The following ATXN10 variants were observed in gnomAD, a reference collection of about 807,000 sequenced individuals.
ATXN10 encodes the protein ataxin 10, also known as ataxin-10.
ATXN10 carries 28 observed loss-of-function variants against 52.9 expected under a neutral mutation model. The observed-to-expected ratio is 0.53, with a 90% CI of 0.39 to 0.73. The LOEUF (loss-of-function observed/expected upper bound fraction) is 0.73. Ranked by LOEUF, ATXN10 falls within the 30% of genes least tolerant of loss-of-function variation. The probability of loss-of-function intolerance (pLI) is 0.00; values close to 1 mark genes in which losing one functional copy is unlikely to be tolerated. For missense variants in ATXN10, 565 were observed against 577.0 expected (o/e 0.98, Z 0.21); for synonymous variants, 226 against 221.5 (o/e 1.02, Z -0.18).
chr22:45,715,107 T>G lies in ATXN10; in HGVS notation c.648-3306T>G, dbSNP rs1924395923. Among the ~76,000 whole-genome samples, 1 of 152,216 alleles carries G rather than the reference T, an allele frequency of 6.6e-6. No individual in the cohort carries two copies. The highest frequency in any genetic ancestry group is 1.5e-5 in the Non-Finnish European group (1 of 68,024). Reference sequence around the variant, plus strand: ...TTACGATGTCTCAGTTCTACTATTTTAAGTCCTTGAGGATTTTATGAACAT... The same window carrying G: ...TTACGATGTCTCAGTTCTACTATTTGAAGTCCTTGAGGATTTTATGAACAT... On this transcript the variant is annotated intron_variant, in intron 5 of 11. Coordinates refer to ENST00000252934, the MANE Select transcript of ATXN10 (RefSeq NM_013236.4). This position sits in a 1 kb window ranked among gnomAD's most constrained non-coding sequence, Gnocchi z 4.4.
At chr22:45,829,117 A>G (rs761233911) in intron 10 of ATXN10, among the ~76,000 whole-genome samples, 15 of 152,252 alleles carry the variant, frequency 9.9e-5, no homozygotes, top group Non-Finnish European at 1.6e-4. Context: ...ATGAAGGGAA[A>G]GAAACACATG....
intron 5 of ATXN10, chr22:45,704,039 T>C (rs1325343294): frequency 6.6e-6 from 1 of 152,090 alleles, no homozygotes; most frequent in Non-Finnish European, 1.5e-5. Context: ...ACCAGGGCAC[T>C]ATGTGGAGCT....
In ATXN10 at chr22:45,718,502, C is replaced by T. The variant is rs748832007; in HGVS notation, c.728+9C>T. ...CTGAACAATCAAGAAAGGTAACCCC[C>T]CAACCAGCGTGGTCTGGAGTATTTA... On this transcript the variant is annotated intron_variant, in intron 6 of 11. Coordinates refer to ENST00000252934, the MANE Select transcript of ATXN10 (RefSeq NM_013236.4). The surrounding 1 kb of genome is among the most constrained non-coding windows in gnomAD (Gnocchi z 4.4). 5.0e-6 allele frequency: 8 copies of T among 1,611,174 alleles called. No individual in the cohort carries two copies. In the African/African-American group the frequency reaches 6.7e-5, roughly 13 times the overall value.
At position 45,740,362 on chromosome 22, in the gene ATXN10, G is replaced by T; in HGVS notation, c.1004-7G>T. The T allele has an allele frequency of 6.2e-7, 1 of 1,613,708 alleles. No individual in the cohort carries two copies. Among genetic ancestry groups the T allele is most frequent in the Non-Finnish European group, 8.5e-7 (1 of 1,179,792 alleles). ...GTGGAAAATGAAGTTTACTCTTTTG[G>T]TTATAGATCTTTTGCGGGTGATTCA... On this transcript the variant is annotated splice_region_variant and splice_polypyrimidine_tract_variant and intron_variant, in intron 8 of 11. Transcript: ENST00000252934.
Position 45,702,730 on chromosome 22 carries a change from C to T in ATXN10, c.530C>T (p.Ser177Phe). 1 of 1,613,998 alleles carries T rather than the reference C, an allele frequency of 6.2e-7. No homozygotes were observed. The change falls in exon 5 of 12, where the codon TCT becomes TTT. Residue 177 changes from serine (S) to phenylalanine (F), a missense_variant. Coordinates refer to ENST00000252934, the MANE Select transcript of ATXN10 (RefSeq NM_013236.4). ...CCGGACAAAAAAATTGTTGCCTACT[C>T]TTCAATGATTTTGTTTACATCCCTT... The part of the protein sequence containing the change: ...NHPDKKIVAY[S>F]SMILFTSLNH...
At chr22:45,682,163 A>G (rs978917622) in intron 1 of ATXN10, among the ~76,000 whole-genome samples, 11 of 151,952 alleles carry the variant, frequency 7.2e-5, no homozygotes, top group Admixed American at 7.2e-4. Context: ...CTCTCCCTCC[A>G]TTTCCCTGAG....
intron 6 of ATXN10, among the ~76,000 whole-genome samples, chr22:45,725,587 GTA>G (rs1924836874): frequency 6.6e-6 from 1 of 151,912 alleles, no homozygotes; most frequent in African/African-American, 2.4e-5. Flanking sequence ...GGTTTTCTAG[GTA>G]TATGATCGTA....
At chr22:45,717,164 C>A (rs1463969800) in intron 5 of ATXN10, among the ~76,000 whole-genome samples, 1 of 152,010 alleles carries the variant, frequency 6.6e-6, no homozygotes, top group Non-Finnish European at 1.5e-5. Context: ...TCTTCTTGCC[C>A]CCTGTCTGTC....
intron 9 of ATXN10, among the ~76,000 whole-genome samples, chr22:45,800,982 C>A (rs1226811213): frequency 6.6e-6 from 1 of 152,158 alleles, no homozygotes; most frequent in African/African-American, 2.4e-5. Context: ...TGTGGCTGTG[C>A]AGATGCACTT....
Position 45,721,217 on chromosome 22 carries a change from G to T in ATXN10, c.728+2724G>T, listed in dbSNP as rs183019401. 3.0e-4 allele frequency among the ~76,000 whole-genome samples: 46 copies of T among 152,198 alleles called. No individual in the cohort carries two copies. In the East Asian group the frequency reaches 8.5e-3, roughly 28 times the overall value. ...AATGAGAGCCTACATTTACATACTT[G>T]TCTGGTCTCCTTTCCAGGTGAATTG... On this transcript the variant is annotated intron_variant, in intron 6 of 11. Coordinates refer to ENST00000252934, the MANE Select transcript of ATXN10 (RefSeq NM_013236.4).
In ATXN10 at chr22:45,715,622, C is replaced by A. The variant is rs1264611159; in HGVS notation, c.648-2791C>A. Among the ~76,000 whole-genome samples, 1 of 152,154 alleles carries A rather than the reference C, an allele frequency of 6.6e-6. No individual in the cohort carries two copies. Among genetic ancestry groups the A allele is most frequent in the Non-Finnish European group, 1.5e-5 (1 of 68,026 alleles). On this transcript the variant is annotated intron_variant, in intron 5 of 11. Transcript: ENST00000252934. The surrounding 1 kb of genome is among the most constrained non-coding windows in gnomAD (Gnocchi z 4.4). Reference sequence around the variant, plus strand: ...CTTCTTCCAGTGTGGCCCAGGGAAGCCAAAAGATTGGACACCGCTGATACA... The same window carrying A: ...CTTCTTCCAGTGTGGCCCAGGGAAGACAAAAGATTGGACACCGCTGATACA...
At chr22:45,797,595 G>T (rs1482331264) in intron 9 of ATXN10, among the ~76,000 whole-genome samples, 1 of 152,174 alleles carries the variant, frequency 6.6e-6, no homozygotes, top group African/African-American at 2.4e-5. Context: ...AAACAAGACA[G>T]ATTTAAGATC....
intron 10 of ATXN10, among the ~76,000 whole-genome samples, chr22:45,829,098 A>G (rs1928907821): frequency 6.6e-6 from 1 of 152,244 alleles, no homozygotes; most frequent in South Asian, 2.1e-4. Context: ...AATACACCAC[A>G]TTAATAGAAT....
Position 45,718,291 on chromosome 22 carries a change from C to T in ATXN10, c.648-122C>T, listed in dbSNP as rs984608208. The T allele has an allele frequency of 8.6e-6, 7 of 815,760 alleles. No individual in the cohort carries two copies. The African/African-American group carries it at 1.0e-4, about 12-fold the overall frequency. The allele number at this position is 815,760 out of a possible 1,614,324, so 50.5% of individuals were successfully genotyped here. A position where few individuals can be genotyped will look rare whatever the true frequency, so the allele number is the denominator to read the frequency against. The stretch of plus-strand genomic sequence containing the variant: ...CCTTTTAAGACATTTAAGATTACAG[C>T]AAATCAAAAATTCACTGAAAAGAAA... On this transcript the variant is annotated intron_variant, in intron 5 of 11. Transcript: ENST00000252934. This position sits in a 1 kb window ranked among gnomAD's most constrained non-coding sequence, Gnocchi z 4.4.
chr22:45,802,085 T>G (rs1226788475), intron 9 of ATXN10, among the ~76,000 whole-genome samples: 1 of 152,222 alleles, frequency 6.6e-6, no homozygotes, highest in African/African-American at 2.4e-5. Context: ...ACTCTGGCAT[T>G]ATTGGCTAAT....
At chr22:45,699,127 G>T (rs1239433139) in intron 3 of ATXN10, among the ~76,000 whole-genome samples, 1 of 152,092 alleles carries the variant, frequency 6.6e-6, no homozygotes, top group Non-Finnish European at 1.5e-5. Context: ...TGAGTTATTG[G>T]TGTTGTTTTT....
At chr22:45,735,626 A>G (rs933506887) in intron 7 of ATXN10, among the ~76,000 whole-genome samples, 1 of 152,184 alleles carries the variant, frequency 6.6e-6, no homozygotes, top group Non-Finnish European at 1.5e-5. Context: ...GATATAACTA[A>G]TTTGCATTTT....
In ATXN10 at chr22:45,688,627, G is replaced by A. The variant is rs532206740; in HGVS notation, c.117-1085G>A. Among the ~76,000 whole-genome samples, 49 of 152,278 alleles carry A rather than the reference G, an allele frequency of 3.2e-4. 1 individual carries two copies. The East Asian group carries it at 8.7e-3, about 27-fold the overall frequency. On this transcript the variant is annotated intron_variant, in intron 1 of 11. Transcript: ENST00000252934. The surrounding 1 kb of genome is among the most constrained non-coding windows in gnomAD (Gnocchi z 4.0). ...AGGGGCTTCCATAGGTGTCTTCTGC[G>A]GCAACTGAGCAGCTCTGTAACCTGG...
chr22:45,805,642 A>G lies in ATXN10; in HGVS notation c.1174-1317A>G, dbSNP rs985279447. Among the ~76,000 whole-genome samples the G allele has an allele frequency of 1.3e-5, 2 of 152,220 alleles. No homozygotes were observed. The highest frequency in any genetic ancestry group is 2.9e-5 in the Non-Finnish European group (2 of 68,042). On this transcript the variant is annotated intron_variant, in intron 9 of 11. Coordinates refer to ENST00000252934, the MANE Select transcript of ATXN10 (RefSeq NM_013236.4). This position sits in a 1 kb window ranked among gnomAD's most constrained non-coding sequence, Gnocchi z 4.4. Reference sequence around the variant, plus strand: ...GACTCCGTTATAGGAAATGTCCAGAATAGGCAAATCCAGAGAGACAGGAAG... The same window carrying G: ...GACTCCGTTATAGGAAATGTCCAGAGTAGGCAAATCCAGAGAGACAGGAAG...
Sources: allele counts gnomAD v4.1 joint callset (sites outside exome capture counted in the v4.1 genomes callset), GRCh38; gene constraint gnomAD v4.1.1; non-coding constraint Gnocchi (gnomAD v3.1); transcripts MANE v1.5; gene names NCBI Gene and HGNC (gene_info 2026-07-23, HGNC 2026-07-21).